Variants in SMIM35 observed in about 807,000 individuals in gnomAD.
SMIM35 encodes the protein TMPRSS4 antisense RNA 1 (non-protein coding).
rs1038949754 is a variant in SMIM35, at chr11:118,053,658, CTT to C, written c.7+33091_7+33092del. Among the ~76,000 whole-genome samples the C allele has an allele frequency of 5.6e-4, 85 of 152,196 alleles. 3 individuals carry two copies. On this transcript the variant is annotated intron_variant, in intron 1 of 4. Transcript: ENST00000689828. ...CCTTCCTTGGACATCCAGCATAGCT[CTT>C]TAATTCCCTAAAGCAATGTGTTTAC...
At chr11:118,051,469 A>G (rs886516109) in intron 1 of SMIM35, among the ~76,000 whole-genome samples, 35 of 152,246 alleles carry the variant, frequency 2.3e-4, no homozygotes, top group Admixed American at 1.2e-3. Flanking sequence ...ATTAGCGGCC[A>G]CTTCTCTCCT....
intron 1 of SMIM35, among the ~76,000 whole-genome samples, chr11:118,077,588 A>G (rs1202222454): frequency 6.6e-6 from 1 of 152,092 alleles, no homozygotes. Flanking sequence ...TGAATCCTGC[A>G]TGTTCTTTTG....
chr11:118,080,941 C>G (rs895579895), intron 1 of SMIM35, among the ~76,000 whole-genome samples: 1 of 152,198 alleles, frequency 6.6e-6, no homozygotes. Context: ...ACAGTGAACT[C>G]CTCCAAACCT....
chr11:118,063,583 T>C (rs1944425254), intron 1 of SMIM35, among the ~76,000 whole-genome samples: 1 of 152,190 alleles, frequency 6.6e-6, no homozygotes, highest in Admixed American at 6.5e-5. Flanking sequence ...AGGGCCTAGG[T>C]GGCTTCAGGT....
chr11:118,016,135 C>T (rs2058181533), intron 1 of SMIM35, among the ~76,000 whole-genome samples: 1 of 152,098 alleles, frequency 6.6e-6, no homozygotes, highest in African/African-American at 2.4e-5. Context: ...CCTGGGAGGT[C>T]CAGCCTCAGC....
chr11:118,019,844 GT>G (rs1307775641), intron 1 of SMIM35, among the ~76,000 whole-genome samples: 1 of 152,018 alleles, frequency 6.6e-6, no homozygotes, highest in Non-Finnish European at 1.5e-5. Context: ...CATATATCAA[GT>G]TAAACAGATG....
At chr11:118,072,425 T>C (rs1591312085) in intron 1 of SMIM35, among the ~76,000 whole-genome samples, 1 of 152,046 alleles carries the variant, frequency 6.6e-6, no homozygotes, top group Admixed American at 6.5e-5. Flanking sequence ...GAGGCAGAGG[T>C]TGCAGTGAGC....
At chr11:118,028,984 A>G (rs1325950204) in intron 1 of SMIM35, 1 of 379,232 alleles carries the variant, frequency 2.6e-6, no homozygotes, top group Non-Finnish European at 5.1e-6. Context: ...GGGTAAAAAT[A>G]GTCATTTCAC....
chr11:118,022,230 T>A (rs1354878304), intron 1 of SMIM35, among the ~76,000 whole-genome samples: 1 of 152,082 alleles, frequency 6.6e-6, no homozygotes, highest in Non-Finnish European at 1.5e-5. Flanking sequence ...TTTGTAATTT[T>A]AGTAGAGACA....
chr11:118,027,812 C>T (rs1190500444), intron 1 of SMIM35, among the ~76,000 whole-genome samples: 3 of 152,200 alleles, frequency 2.0e-5, no homozygotes, highest in African/African-American at 7.2e-5. Context: ...GAATGAGGCT[C>T]TTCAAAACGG....
intron 4 of SMIM35, among the ~76,000 whole-genome samples, chr11:118,009,173 G>A (rs569183736): frequency 2.4e-4 from 36 of 152,242 alleles, no homozygotes; most frequent in Non-Finnish European, 4.0e-4. Context: ...ATGGGGCCTG[G>A]GGAGGACTGG....
intron 1 of SMIM35, among the ~76,000 whole-genome samples, chr11:118,018,830 C>A (rs1293033347): frequency 6.6e-6 from 1 of 152,094 alleles, no homozygotes; most frequent in Non-Finnish European, 1.5e-5. Flanking sequence ...TGGGATGCTC[C>A]TTTACCTAAT....
intron 1 of SMIM35, among the ~76,000 whole-genome samples, chr11:118,061,858 G>C (rs780164620): frequency 2.0e-5 from 3 of 152,116 alleles, no homozygotes; most frequent in South Asian, 4.1e-4. Context: ...CTGCTCAAGG[G>C]ATTCCCACTT....
chr11:118,079,414 G>A (rs1406416234), intron 1 of SMIM35, among the ~76,000 whole-genome samples: 2 of 152,094 alleles, frequency 1.3e-5, no homozygotes, highest in South Asian at 4.1e-4. Context: ...CCATTAAGCT[G>A]GGTATTCCTA....
chr11:118,050,526 C>G (rs889696919), intron 1 of SMIM35, among the ~76,000 whole-genome samples: 2 of 152,204 alleles, frequency 1.3e-5, no homozygotes, highest in African/African-American at 4.8e-5. Flanking sequence ...TTATCCCCAC[C>G]AGACCTTGGG....
intron 1 of SMIM35, among the ~76,000 whole-genome samples, chr11:118,019,966 T>C (rs1939127): frequency 0.43 from 66,062 of 152,004 alleles, 16,919 homozygotes; most frequent in African/African-American, 0.72. Flanking sequence ...ATTACTATGG[T>C]CTCATAATAA....
chr11:118,014,847 G>A (rs975587265), intron 2 of SMIM35, 106 bp from the exon 3 acceptor site: 4 of 397,550 alleles, frequency 1.0e-5, no homozygotes, highest in Admixed American at 8.8e-5. Context: ...GAGGAGTAGG[G>A]TGGCTGGGCT....
chr11:118,055,084 CGT>C (rs1565393690), intron 1 of SMIM35, among the ~76,000 whole-genome samples: 2 of 152,244 alleles, frequency 1.3e-5, no homozygotes, highest in Non-Finnish European at 2.9e-5. Context: ...GGGTTACAGG[CGT>C]GAGCCACTGC....
intron 1 of SMIM35, among the ~76,000 whole-genome samples, chr11:118,021,051 T>TTTTTTTTTTTGTTTTTG (rs1046434492): frequency 6.6e-5 from 10 of 151,636 alleles, no homozygotes; most frequent in African/African-American, 2.4e-4. Flanking sequence ...GGTAAGGTTT[T>TTTTTTTTTTTGTTTTTG]TTTTTTTACT....
Sources: gnomAD v4.1 joint callset for allele counts (sites outside exome capture counted in the v4.1 genomes callset) on GRCh38, gnomAD v4.1.1 for gene constraint, MANE v1.5 for transcripts, NCBI Gene and HGNC (gene_info 2026-07-23, HGNC 2026-07-21) for gene names.